The following NEGR1 variants were observed in gnomAD, a reference collection of about 807,000 sequenced individuals.
NEGR1 encodes the protein neuronal growth regulator 1.
NEGR1 carries 10 observed loss-of-function variants against 40.9 expected under a neutral mutation model. The observed-to-expected ratio is 0.24, with a 90% CI of 0.15 to 0.42. The LOEUF (loss-of-function observed/expected upper bound fraction) is 0.42, where lower values mean the gene tolerates loss of function less well. NEGR1 is among the 10% of genes least tolerant of loss of function. The pLI is 1.00. For synonymous variants in NEGR1, 185 were observed against 166.8 expected, an observed-to-expected ratio of 1.11 and a Z score of -0.84; for missense variants, 352 against 438.9, an observed-to-expected ratio of 0.80 and a Z score of 1.77.
At position 71,592,901 on chromosome 1, in the gene NEGR1, T is replaced by A; in HGVS notation, c.856A>T (p.Asn286Tyr). 1 of 1,612,072 alleles carries A rather than the reference T, an allele frequency of 6.2e-7. No homozygotes were observed. Among genetic ancestry groups the A allele is most frequent in the Non-Finnish European group, 8.5e-7 (1 of 1,178,224 alleles). Residue 286 changes from asparagine to tyrosine, a missense_variant, in exon 6 of 7, where the codon AAC (asparagine) becomes TAC (tyrosine). Physicochemically the swap from Asn to Tyr is moderately radical, Grantham distance 143 (BLOSUM62 -2). Around this residue, in one of 5 missense-constraint regions of NEGR1, gnomAD observed 184 missense variants for 208.7 expected, o/e 0.88. Transcript: ENST00000357731. The stretch of plus-strand genomic sequence containing the variant: ...TTGCCGAAGTGCTCCTGTGTCACGT[T>A]GGTAACAGTGAGAATGGATCTTGTG... ...FSTRSILTVT[N>Y]VTQEHFGNYT...
At chr1:71,624,118 C>G (rs1036288886) in intron 4 of NEGR1, among the ~76,000 whole-genome samples, 4 of 151,906 alleles carry the variant, frequency 2.6e-5, no homozygotes, top group Admixed American at 6.6e-5. Flanking sequence ...ATTTACTGCT[C>G]TCATCCTGCA....
At chr1:71,566,912 G>A (rs1182693071) in intron 6 of NEGR1, among the ~76,000 whole-genome samples, 1 of 152,054 alleles carries the variant, frequency 6.6e-6, no homozygotes, top group East Asian at 1.9e-4. Context: ...AGAGTGAAAG[G>A]GGCAAACAAG....
At chr1:71,812,594 C>T (rs2101764285) in intron 2 of NEGR1, among the ~76,000 whole-genome samples, 1 of 152,218 alleles carries the variant, frequency 6.6e-6, no homozygotes, top group South Asian at 2.1e-4. Context: ...ACCATTCTGA[C>T]TGGTGTGAGA....
rs142890404 is a variant in NEGR1 at position 71,653,934 on chromosome 1, C to G, written c.668-42788G>C. ...AGGCTCCAAAGTCCTATTCTTTCCA[C>G]TTCATGACACCTCAGATAACTCTCT... On this transcript the variant is annotated intron_variant, in intron 4 of 6. Coordinates refer to ENST00000357731, the MANE Select transcript of NEGR1 (RefSeq NM_173808.3). Among the ~76,000 whole-genome samples, 445 of 152,284 alleles carry G rather than the reference C, an allele frequency of 2.9e-3. 4 individuals are homozygous for G. The highest frequency in any genetic ancestry group is 0.01 in the African/African-American group (433 of 41,556).
intron 2 of NEGR1, among the ~76,000 whole-genome samples, chr1:71,934,221 A>G (rs1220215938): frequency 6.6e-6 from 1 of 152,174 alleles, no homozygotes; most frequent in African/African-American, 2.4e-5. Context: ...ATAATGTAAA[A>G]GGTAAAAAAT....
chr1:72,246,985 C>T (rs143378459), intron 1 of NEGR1, among the ~76,000 whole-genome samples: 14 of 152,180 alleles, frequency 9.2e-5, no homozygotes, highest in East Asian at 1.9e-4. Flanking sequence ...AGTAGCAGCC[C>T]GAGCTGTACC....
chr1:71,935,463 G>A lies in NEGR1; in HGVS notation c.177-152C>T, dbSNP rs1645896360. ...ACTCAGGAAACATGAACATACTGAT[G>A]CATCTTCCATTCCCAATGCAAATGT... On this transcript the variant is annotated intron_variant, in intron 1 of 6. Coordinates refer to ENST00000357731, the MANE Select transcript of NEGR1 (RefSeq NM_173808.3). The A allele has an allele frequency of 4.8e-6, 3 of 625,406 alleles. No individual in the cohort carries two copies. The East Asian group carries it at 8.2e-5, about 17-fold the overall frequency. The allele number at this position is 625,406 out of a possible 1,614,324, so 38.7% of individuals were successfully genotyped here. A position where few individuals can be genotyped will look rare whatever the true frequency, so the allele number is the denominator to read the frequency against.
intron 1 of NEGR1, among the ~76,000 whole-genome samples, chr1:72,143,920 T>TATATATATATATC (rs1557548496): frequency 1.5e-4 from 16 of 105,204 alleles, no homozygotes; most frequent in African/African-American, 8.0e-4. Context: ...ATATAATATA[T>TATATATATATATC]ATATATATAT....
At chr1:71,947,116 A>G (rs1646028781) in intron 1 of NEGR1, among the ~76,000 whole-genome samples, 1 of 149,130 alleles carries the variant, frequency 6.7e-6, no homozygotes. Context: ...ACACACACAC[A>G]CACACACACA....
intron 1 of NEGR1, among the ~76,000 whole-genome samples, chr1:72,220,402 T>A (rs796381996): frequency 1.1e-3 from 161 of 149,624 alleles, no homozygotes; most frequent in African/African-American, 3.6e-3. Flanking sequence ...TCCCCTCCCC[T>A]CCCCTCCCTG....
chr1:72,212,058 C>G (rs184861941), intron 1 of NEGR1, among the ~76,000 whole-genome samples: 4 of 151,996 alleles, frequency 2.6e-5, no homozygotes, highest in African/African-American at 9.6e-5. Flanking sequence ...GGAATATGCT[C>G]ATGATAGATG....
chr1:72,051,625 T>G (rs1647062248), intron 1 of NEGR1, among the ~76,000 whole-genome samples: 1 of 151,480 alleles, frequency 6.6e-6, no homozygotes, highest in Non-Finnish European at 1.5e-5. Context: ...AAGAAAAACT[T>G]AGCTTGGAAG....
chr1:71,597,929 T>G (rs543429531), intron 5 of NEGR1, among the ~76,000 whole-genome samples: 1 of 151,424 alleles, frequency 6.6e-6, no homozygotes, highest in Non-Finnish European at 1.5e-5. Flanking sequence ...AAAAAAAAAA[T>G]TCAGCATTGT....
intron 2 of NEGR1, among the ~76,000 whole-genome samples, chr1:71,846,211 C>A (rs1397806349): frequency 1.3e-5 from 2 of 152,058 alleles, no homozygotes; most frequent in African/African-American, 2.4e-5. Flanking sequence ...AGTTTCCCCC[C>A]CAACCTAATA....
In NEGR1 at chr1:72,124,949, C is replaced by T. The variant is rs113693428; in HGVS notation, c.176+157370G>A. On this transcript the variant is annotated intron_variant, in intron 1 of 6. Coordinates refer to ENST00000357731, the MANE Select transcript of NEGR1 (RefSeq NM_173808.3). ...TAAAGTGAGTAGTATTTTTTCTTAA[C>T]AAAAATATTTACTAATGATGATAAA... Among the ~76,000 whole-genome samples, 886 of 151,878 alleles carry T rather than the reference C, an allele frequency of 5.8e-3. 12 individuals are homozygous for T. The highest frequency in any genetic ancestry group is 0.02 in the African/African-American group (844 of 41,456).
chr1:72,040,571 A>G (rs1054090685), intron 1 of NEGR1, among the ~76,000 whole-genome samples: 2 of 123,892 alleles, frequency 1.6e-5, no homozygotes, highest in Non-Finnish European at 3.4e-5. Flanking sequence ...CAGTAAGAGC[A>G]CTGACCAAAA....
chr1:71,494,015 T>C (rs1646946241), intron 6 of NEGR1, among the ~76,000 whole-genome samples: 1 of 152,226 alleles, frequency 6.6e-6, no homozygotes, highest in African/African-American at 2.4e-5. Context: ...ATCTTCTCTT[T>C]CCTTGAACAC....
At chr1:72,051,466 A>G (rs1374986069) in intron 1 of NEGR1, among the ~76,000 whole-genome samples, 1 of 151,534 alleles carries the variant, frequency 6.6e-6, no homozygotes. Flanking sequence ...AGAATAAAAT[A>G]TTGTCAGTGA....
chr1:71,866,055 A>G (rs1438027962), intron 2 of NEGR1, among the ~76,000 whole-genome samples: 1 of 152,088 alleles, frequency 6.6e-6, no homozygotes, highest in Non-Finnish European at 1.5e-5. Context: ...GGTTTGAAAT[A>G]CCTTTCCTTT....
Sources: gnomAD v4.1 joint callset for allele counts (sites outside exome capture counted in the v4.1 genomes callset) on GRCh38, gnomAD v4.1.1 for gene constraint, gnomAD v4.1.1 regional missense constraint, MANE v1.5 for transcripts, NCBI Gene and HGNC (gene_info 2026-07-23, HGNC 2026-07-21) for gene names.